Variants in TCF4 observed in about 807,000 individuals in gnomAD.
TCF4 encodes the protein transcription factor 4.
A neutral mutation model predicts 82.1 loss-of-function variants in TCF4; 3 were observed. The ratio of observed to expected loss-of-function variants is 0.04; its 90% CI spans 0.02 to 0.09. The LOEUF (loss-of-function observed/expected upper bound fraction) is 0.09. TCF4 is among the 10% of genes least tolerant of loss of function. TCF4 has a pLI of 1.00. For missense variants in TCF4, 518 were observed against 852.7 expected (o/e 0.61, Z 4.89); for synonymous variants, 276 against 309.6 (o/e 0.89, Z 1.14).
intron 2 of TCF4, among the ~76,000 whole-genome samples, chr18:55,595,408 CT>C (rs1236213996): frequency 3.9e-4 from 59 of 152,296 alleles, no homozygotes; most frequent in African/African-American, 1.4e-3. Flanking sequence ...CATGTTCCCC[CT>C]TTAAAGGTGA....
intron 2 of TCF4, among the ~76,000 whole-genome samples, chr18:55,627,071 AT>A: frequency 6.6e-6 from 1 of 152,310 alleles, no homozygotes; most frequent in East Asian, 1.9e-4. Flanking sequence ...TGAATGGTTA[AT>A]GTTGCTGTTC....
At chr18:55,527,573 G>A (rs2097001141) in intron 3 of TCF4, among the ~76,000 whole-genome samples, 2 of 152,068 alleles carry the variant, frequency 1.3e-5, no homozygotes, top group South Asian at 4.1e-4. Flanking sequence ...AACACACAGA[G>A]ACAAAATGCA....
intron 8 of TCF4, among the ~76,000 whole-genome samples, chr18:55,327,518 TTCC>T (rs2076766037): frequency 6.6e-6 from 1 of 152,294 alleles, no homozygotes; most frequent in Middle Eastern, 3.4e-3. Context: ...TTTTAGTGAC[TTCC>T]TATGTTATCT....
intron 3 of TCF4, among the ~76,000 whole-genome samples, chr18:55,566,529 T>G (rs989991089): frequency 1.3e-5 from 2 of 152,004 alleles, no homozygotes; most frequent in Non-Finnish European, 2.9e-5. Flanking sequence ...TATTTAAAAA[T>G]TAGTAGGCAT....
intron 8 of TCF4, among the ~76,000 whole-genome samples, chr18:55,284,040 T>G (rs555418590): frequency 6.6e-6 from 1 of 152,216 alleles, no homozygotes; most frequent in African/African-American, 2.4e-5. Flanking sequence ...AAACCTATTT[T>G]AAGCTATTAA....
intron 8 of TCF4, among the ~76,000 whole-genome samples, chr18:55,334,781 C>T (rs1209772836): frequency 6.6e-6 from 1 of 151,966 alleles, no homozygotes; most frequent in Non-Finnish European, 1.5e-5. Flanking sequence ...AGAGAAAAGT[C>T]ACTGCTCAGG....
At chr18:55,537,633 C>T (rs611439) in intron 3 of TCF4, among the ~76,000 whole-genome samples, 143,671 of 152,238 alleles carry the variant, frequency 0.94, 67,869 homozygotes, top group East Asian at 1. Flanking sequence ...CTAAAGACTG[C>T]CATTCCTATA....
At chr18:55,552,314 T>C (rs777636146) in intron 3 of TCF4, among the ~76,000 whole-genome samples, 45 of 152,198 alleles carry the variant, frequency 3.0e-4, no homozygotes, top group Non-Finnish European at 5.3e-4. Context: ...ATTAAGGTCA[T>C]TAATATATAA....
chr18:55,526,059 T>C (rs1190153638), intron 3 of TCF4, among the ~76,000 whole-genome samples: 1 of 152,186 alleles, frequency 6.6e-6, no homozygotes, highest in African/African-American at 2.4e-5. Context: ...ACTTATAACA[T>C]TTCAGACATC....
intron 14 of TCF4, among the ~76,000 whole-genome samples, chr18:55,255,080 T>C (rs2056441256): frequency 6.6e-6 from 1 of 152,208 alleles, no homozygotes; most frequent in Non-Finnish European, 1.5e-5. Context: ...CAATTACCAC[T>C]GGAAAGATGA....
At chr18:55,280,877 G>A (rs997671400) in intron 8 of TCF4, among the ~76,000 whole-genome samples, 1 of 151,928 alleles carries the variant, frequency 6.6e-6, no homozygotes, top group Non-Finnish European at 1.5e-5. Context: ...ACAAGGTTTA[G>A]GATTTCACAA....
rs863224934 is a variant in TCF4, at chr18:55,279,658, T to C, written c.550-2A>G. The C allele has an allele frequency of 6.2e-7, 1 of 1,613,910 alleles. No homozygotes were observed. On this transcript the variant is annotated splice_acceptor_variant, in intron 8 of 19. Coordinates refer to ENST00000354452, the MANE Select transcript of TCF4 (RefSeq NM_001083962.2). LOFTEE classifies it high-confidence loss of function. ...AGTGCTTGCTGATGGAGCATAGACC[T>C]GAGGAGAAAGAACCAACTGAGTTTT...
intron 8 of TCF4, among the ~76,000 whole-genome samples, chr18:55,294,247 G>A (rs970583305): frequency 1.3e-5 from 2 of 150,132 alleles, no homozygotes; most frequent in East Asian, 2.0e-4. Flanking sequence ...GCGACAGAGT[G>A]AGAATCTGTC....
chr18:55,329,872 T>C (rs1210383500), intron 8 of TCF4, among the ~76,000 whole-genome samples: 1 of 152,224 alleles, frequency 6.6e-6, no homozygotes, highest in Non-Finnish European at 1.5e-5. Flanking sequence ...CAAATGCATT[T>C]TGAACATAAA....
At chr18:55,419,482 G>GT (rs1456506260) in intron 5 of TCF4, among the ~76,000 whole-genome samples, 3 of 152,086 alleles carry the variant, frequency 2.0e-5, no homozygotes, top group South Asian at 2.1e-4. Context: ...CTTGTCAAGT[G>GT]TTTTTTCATT....
At chr18:55,349,174 T>A (rs993130672) in intron 8 of TCF4, among the ~76,000 whole-genome samples, 1 of 152,144 alleles carries the variant, frequency 6.6e-6, no homozygotes, top group Admixed American at 6.6e-5. Flanking sequence ...TTTTCTATAT[T>A]TATGAATAAT....
At chr18:55,327,709 A>T (rs1376763601) in intron 8 of TCF4, among the ~76,000 whole-genome samples, 2 of 152,102 alleles carry the variant, frequency 1.3e-5, no homozygotes, top group Non-Finnish European at 2.9e-5. Flanking sequence ...TAGATTTTTG[A>T]TCCATAAGTA....
At position 55,222,481 on chromosome 18, in the gene TCF4, G is replaced by GA. The variant is rs71670792; in HGVS notation, c.*5553dup. ...ATCTGCAAACAGTCCAACCAAAAACGAAAAAAAAAAAAATCCCAACATTTG... is the reference window on the plus strand; with the variant it reads ...ATCTGCAAACAGTCCAACCAAAAACGAAAAAAAAAAAAAATCCCAACATTTG... On this transcript the variant is annotated 3_prime_UTR_variant, in exon 20 of 20. Coordinates refer to ENST00000354452, the MANE Select transcript of TCF4 (RefSeq NM_001083962.2). 0.28 allele frequency: 40,428 copies of GA among 143,396 alleles called. 5,504 individuals carry two copies. The highest frequency in any genetic ancestry group is 0.33 in the Non-Finnish European group (21,725 of 65,434). 8.9% of individuals were successfully genotyped at this position (143,396 alleles called of 1,614,324 possible).
chr18:55,558,337 G>A (rs1226948859), intron 3 of TCF4, among the ~76,000 whole-genome samples: 3 of 152,148 alleles, frequency 2.0e-5, no homozygotes, highest in Non-Finnish European at 2.9e-5. Context: ...ATCTGAGTAT[G>A]TAGGAAAATC....
Sources: allele counts gnomAD v4.1 joint callset (sites outside exome capture counted in the v4.1 genomes callset), GRCh38; gene constraint gnomAD v4.1.1; transcripts MANE v1.5; gene names NCBI Gene and HGNC (gene_info 2026-07-23, HGNC 2026-07-21).